The following RAPGEF2 variants were observed in gnomAD, a reference collection of about 807,000 sequenced individuals.
RAPGEF2 encodes PDZ domain containing guanine nucleotide exchange factor (GEF) 1.
Under a neutral mutation model 186.7 loss-of-function variants are expected in RAPGEF2, and 54 were observed. That is an observed-to-expected ratio of 0.29 (90% confidence interval 0.23 to 0.36). The LOEUF is 0.36. Ranked by LOEUF, RAPGEF2 falls within the 10% of genes least tolerant of loss-of-function variation. The pLI is 1.00. For missense variants in RAPGEF2, 1,532 were observed against 2,045.0 expected, an observed-to-expected ratio of 0.75 and a Z score of 4.84; for synonymous variants, 712 against 705.9, an observed-to-expected ratio of 1.01 and a Z score of -0.14.
At chr4:159,230,711 A>G (rs1460504014) in intron 4 of RAPGEF2, among the ~76,000 whole-genome samples, 2 of 152,162 alleles carry the variant, frequency 1.3e-5, no homozygotes, top group African/African-American at 2.4e-5. Flanking sequence ...TGAATTAGAA[A>G]TGCTGATTTG....
intron 1 of RAPGEF2, among the ~76,000 whole-genome samples, chr4:159,153,131 A>G (rs780298322): frequency 2.0e-5 from 3 of 152,230 alleles, no homozygotes; most frequent in African/African-American, 4.8e-5. Flanking sequence ...TCATTACACT[A>G]GTAGCCTTCA....
At position 159,121,954 on chromosome 4, in the gene RAPGEF2, C is replaced by T. The variant is rs561338014; in HGVS notation, c.69+17723C>T. 1.5e-4 allele frequency among the ~76,000 whole-genome samples: 21 copies of T among 137,838 alleles called. No homozygotes were observed. In the East Asian group the frequency reaches 2.7e-3, roughly 17 times the overall value. 90.4% of individuals were successfully genotyped at this position (137,838 alleles called of 152,430 possible). A position where few individuals can be genotyped will look rare whatever the true frequency, so the allele number is the denominator to read the frequency against. On this transcript the variant is annotated intron_variant, in intron 1 of 29. Coordinates refer to ENST00000691494, the MANE Select transcript of RAPGEF2 (RefSeq NM_001394067.2). ...TCGGGAGGCTGAGGCAGGAGAATGG[C>T]GTAAAACCCGGGAGGCAGAGGTTGC... is the stretch of plus-strand genomic sequence containing the variant.
At chr4:159,349,971 C>T (rs1399385519) in intron 25 of RAPGEF2, among the ~76,000 whole-genome samples, 166 bp from the exon 26 acceptor site, 1 of 152,206 alleles carries the variant, frequency 6.6e-6, no homozygotes, top group Non-Finnish European at 1.5e-5. Context: ...TCTGTAGGCA[C>T]TTACTGTGTG....
intron 1 of RAPGEF2, among the ~76,000 whole-genome samples, chr4:159,121,186 A>G (rs1180118533): frequency 2.6e-5 from 4 of 152,056 alleles, no homozygotes; most frequent in Admixed American, 2.0e-4. Flanking sequence ...CTTTTAGCAC[A>G]GAATTGGAGC....
chr4:159,258,645 T>C (rs1756461341), intron 7 of RAPGEF2, among the ~76,000 whole-genome samples: 1 of 152,208 alleles, frequency 6.6e-6, no homozygotes, highest in African/African-American at 2.4e-5. Context: ...TAAAAATGTA[T>C]TTGTTAAATA....
intron 8 of RAPGEF2, among the ~76,000 whole-genome samples, chr4:159,309,672 A>C (rs1231399194): frequency 6.6e-6 from 1 of 152,208 alleles, no homozygotes; most frequent in Non-Finnish European, 1.5e-5. Context: ...CTAAGTTAGT[A>C]ATACGAGACA....
intron 6 of RAPGEF2, 119 bp downstream of exon 6, chr4:159,241,487 CAT>C (rs1165795606): frequency 3.0e-5 from 11 of 365,014 alleles, no homozygotes; most frequent in Non-Finnish European, 4.6e-5. Flanking sequence ...TATACACACA[CAT>C]TAAGTATACT....
intron 1 of RAPGEF2, among the ~76,000 whole-genome samples, chr4:159,164,081 T>G (rs1299142671): frequency 6.6e-6 from 1 of 151,670 alleles, no homozygotes; most frequent in Non-Finnish European, 1.5e-5. Flanking sequence ...CTCAGCTCAC[T>G]GCAAGCTCCA....
intron 7 of RAPGEF2, among the ~76,000 whole-genome samples, chr4:159,275,568 G>A (rs890249572): frequency 1.3e-5 from 2 of 152,046 alleles, no homozygotes; most frequent in African/African-American, 2.4e-5. Flanking sequence ...ATTTTAGTAT[G>A]TAGAAAAAAA....
chr4:159,156,080 A>G (rs566038273), intron 1 of RAPGEF2, among the ~76,000 whole-genome samples: 2 of 152,316 alleles, frequency 1.3e-5, no homozygotes, highest in African/African-American at 4.8e-5. Flanking sequence ...TCAGGGAACT[A>G]AGGATGGCTT....
In RAPGEF2 at chr4:159,187,619, C is replaced by CAT. The variant is rs1370477808; in HGVS notation, c.140+907_140+908insAT. Among the ~76,000 whole-genome samples the CAT allele has an allele frequency of 8.8e-3, 1,341 of 152,142 alleles. 20 individuals carry two copies. Among genetic ancestry groups the CAT allele is most frequent in the Admixed American group, 0.046 (696 of 15,284 alleles). On this transcript the variant is annotated intron_variant, in intron 2 of 29. Transcript: ENST00000691494. ...CTATATTTGTTTTTATGAGATCTGC[C>CAT]CATATAGAAATCTCATCACTTCTGT...
At chr4:159,184,279 A>G (rs549275125) in intron 1 of RAPGEF2, among the ~76,000 whole-genome samples, 1 of 152,310 alleles carries the variant, frequency 6.6e-6, no homozygotes, top group African/African-American at 2.4e-5. Flanking sequence ...GCTGGGTCAA[A>G]TGGTATTTCT....
chr4:159,162,447 A>G (rs1312817709), intron 1 of RAPGEF2, among the ~76,000 whole-genome samples: 1 of 151,780 alleles, frequency 6.6e-6, no homozygotes, highest in Non-Finnish European at 1.5e-5. Context: ...ATTAATTATT[A>G]TAATTGTTCT....
At chr4:159,314,438 A>T (rs1378397548) in intron 8 of RAPGEF2, among the ~76,000 whole-genome samples, 153 bp from the exon 9 acceptor site, 1 of 152,248 alleles carries the variant, frequency 6.6e-6, no homozygotes, top group Non-Finnish European at 1.5e-5. Flanking sequence ...TGTTAAAGTA[A>T]TTGTTACATG....
intron 8 of RAPGEF2, among the ~76,000 whole-genome samples, chr4:159,307,862 T>C (rs914308492): frequency 2.0e-5 from 3 of 151,950 alleles, no homozygotes; most frequent in African/African-American, 7.3e-5. Context: ...TCCCAGCTAC[T>C]CGGGAGGCTG....
intron 6 of RAPGEF2, among the ~76,000 whole-genome samples, chr4:159,242,868 CCAGATTAGTTTT>C (rs924964751): frequency 6.6e-6 from 1 of 151,754 alleles, no homozygotes; most frequent in Admixed American, 6.6e-5. Flanking sequence ...AATTGTTTTT[CCAGATTAGTTTT>C]CAGACTAAAA....
chr4:159,301,096 G>T (rs927861572), intron 7 of RAPGEF2, among the ~76,000 whole-genome samples: 2 of 152,214 alleles, frequency 1.3e-5, no homozygotes, highest in African/African-American at 4.8e-5. Flanking sequence ...AATAATGCCA[G>T]ATGTGGTGGC....
intron 1 of RAPGEF2, among the ~76,000 whole-genome samples, chr4:159,117,776 T>G (rs1739205662): frequency 6.6e-6 from 1 of 152,164 alleles, no homozygotes; most frequent in Admixed American, 6.5e-5. Context: ...TTTCACAGGC[T>G]TAAAATTTCA....
chr4:159,301,241 C>T lies in RAPGEF2; in HGVS notation c.544-3101C>T, dbSNP rs373195164. Among the ~76,000 whole-genome samples, 745 of 152,022 alleles carry T rather than the reference C, an allele frequency of 4.9e-3. 11 individuals carry two copies. The highest frequency in any genetic ancestry group is 0.017 in the African/African-American group (705 of 41,458). On this transcript the variant is annotated intron_variant, in intron 7 of 29. Transcript: ENST00000691494. ...AAGAAAAATTAGCCGGGGTCGTGGG[C>T]GCCTGTAATCCCAGCTCTTTGGGAG...
Sources: gnomAD v4.1 joint callset for allele counts (sites outside exome capture counted in the v4.1 genomes callset) on GRCh38, gnomAD v4.1.1 for gene constraint, MANE v1.5 for transcripts, NCBI Gene and HGNC (gene_info 2026-07-23, HGNC 2026-07-21) for gene names.